SCN3B: variants seen among roughly 807,000 people sequenced by gnomAD.
SCN3B encodes the protein sodium voltage-gated channel beta subunit 3.
A neutral mutation model predicts 25.4 loss-of-function variants in SCN3B; 11 were observed. The observed-to-expected ratio is 0.43, with a 90% CI of 0.27 to 0.72. SCN3B has a LOEUF of 0.72. Ranked by LOEUF, SCN3B falls within the 30% of genes least tolerant of loss-of-function variation. The probability of loss-of-function intolerance (pLI) is 0.18; values close to 1 mark genes in which losing one functional copy is unlikely to be tolerated. For synonymous variants in SCN3B, 109 were observed against 110.7 expected (o/e 0.99, Z 0.09); for missense variants, 218 against 278.3 (o/e 0.78, Z 1.54).
At chr11:123,640,270 A>G (rs1439408378) in intron 4 of SCN3B, 1 of 152,232 alleles carries the variant, frequency 6.6e-6, no homozygotes, top group African/African-American at 2.4e-5. Context: ...GTAGCCCACA[A>G]ATGGCAATAC....
rs1226353564 is a variant in SCN3B at position 123,650,449 on chromosome 11, C to T, written c.55+3298G>A. On this transcript the variant is annotated intron_variant, in intron 2 of 6. Transcript: ENST00000299333. The stretch of plus-strand genomic sequence containing the variant: ...TTATTTTTAGATGCTGACACCCTGA[C>T]GTGACTTGTTCTGTCAATTTAGCTG... 7.9e-5 allele frequency among the ~76,000 whole-genome samples: 12 copies of T among 152,158 alleles called. No individual in the cohort carries two copies. In the East Asian group the frequency reaches 9.6e-4, roughly 12 times the overall value.
chr11:123,651,356 G>A (rs1045718969), intron 2 of SCN3B, among the ~76,000 whole-genome samples: 1 of 151,154 alleles, frequency 6.6e-6, no homozygotes, highest in African/African-American at 2.4e-5. Flanking sequence ...ATCTGTGAAG[G>A]GCGGCTGTTT....
Position 123,642,720 on chromosome 11 carries a change from G to A in SCN3B, c.220-49C>T. 6.9e-7 allele frequency: 1 copy of A among 1,446,612 alleles called. No homozygotes were observed. Among genetic ancestry groups the A allele is most frequent in the Non-Finnish European group, 9.7e-7 (1 of 1,032,942 alleles). 89.6% of individuals were successfully genotyped at this position (1,446,612 alleles called of 1,614,324 possible). On this transcript the variant is annotated intron_variant, in intron 3 of 6. Coordinates refer to ENST00000299333, the MANE Select transcript of SCN3B (RefSeq NM_001040151.2). This position sits in a 1 kb window ranked among gnomAD's most constrained non-coding sequence, Gnocchi z 4.3. ...GGTAGGGCCAGGAAAGGAGATGGCA[G>A]TGGGGGGAAGCCGAGTTAGGGACAG...
Position 123,642,403 on chromosome 11 carries a change from A to G in SCN3B, c.445+43T>C. 6.3e-7 allele frequency: 1 copy of G among 1,590,174 alleles called. No individual in the cohort carries two copies. The highest frequency in any genetic ancestry group is 1.1e-5 in the South Asian group (1 of 90,578). On this transcript the variant is annotated intron_variant, in intron 4 of 6. Transcript: ENST00000299333. The surrounding 1 kb of genome is among the most constrained non-coding windows in gnomAD (Gnocchi z 4.3). ...ACTGCTGTCCTACCCTTCCCTGTCC[A>G]CAGAGAGCAGGACGCCCTAGAGACC...
intron 2 of SCN3B, among the ~76,000 whole-genome samples, chr11:123,648,488 C>T (rs189352964): frequency 2.6e-5 from 4 of 152,126 alleles, no homozygotes; most frequent in South Asian, 4.2e-4. Context: ...ATTCTAAGCA[C>T]GAAGAATACA....
intron 2 of SCN3B, 61 bp downstream of exon 2, chr11:123,653,686 T>G (rs369875727): frequency 1.9e-6 from 3 of 1,566,612 alleles, no homozygotes; most frequent in South Asian, 2.2e-5. Flanking sequence ...CATCAATGTG[T>G]TATTATTGTT....
chr11:123,638,858 C>G (rs1955756977), intron 4 of SCN3B: 1 of 193,432 alleles, frequency 5.2e-6, no homozygotes, highest in East Asian at 1.3e-4. Context: ...AAAACTCATT[C>G]AGGGCCAACA....
intron 2 of SCN3B, 106 bp from the exon 3 acceptor site, chr11:123,645,856 AAG>A (rs1955848408): frequency 2.2e-6 from 3 of 1,379,572 alleles, no homozygotes; most frequent in Non-Finnish European, 3.1e-6. Flanking sequence ...ACAGAGAAGG[AAG>A]AGTCATGAGG....
rs2276022 is a variant in SCN3B, at chr11:123,638,056, G to A, written c.584+130C>T. On this transcript the variant is annotated intron_variant, in intron 5 of 6. Transcript: ENST00000299333. ...CATCTGTAAAATGGGTATAATAATG[G>A]TGCCTATCTCTTAAGCAGTGATCAT... The A allele has an allele frequency of 0.029, 32,002 of 1,107,020 alleles. 991 individuals carry two copies. The highest frequency in any genetic ancestry group is 0.17 in the East Asian group (6,843 of 39,204). The allele number at this position is 1,107,020 out of a possible 1,614,324, so 68.6% of individuals were successfully genotyped here.
chr11:123,634,102 C>T lies in SCN3B; in HGVS notation c.*22+19G>A, dbSNP rs781360860. On this transcript the variant is annotated intron_variant, in intron 6 of 6. Transcript: ENST00000299333. The stretch of plus-strand genomic sequence containing the variant: ...TGCCATCCACATCTGCCTTCCCCTC[C>T]CATGTTCCTGTAGGTCACCTCATGT... 16 of 1,589,744 alleles carry T rather than the reference C, an allele frequency of 1.0e-5. No homozygotes were observed. The highest frequency in any genetic ancestry group is 1.3e-5 in the African/African-American group (1 of 74,390).
intron 4 of SCN3B, chr11:123,638,546 G>C: frequency 1.7e-6 from 1 of 586,534 alleles, no homozygotes; most frequent in Non-Finnish European, 3.0e-6. Context: ...CCTGGAAGAA[G>C]TAGCCGAGCA....
intron 2 of SCN3B, among the ~76,000 whole-genome samples, chr11:123,652,135 G>A (rs947913): frequency 0.062 from 9,364 of 152,208 alleles, 374 homozygotes; most frequent in Middle Eastern, 0.11. Context: ...TCTCTGCAGA[G>A]TCTCACTCCA....
At chr11:123,651,956 C>A (rs1248155215) in intron 2 of SCN3B, among the ~76,000 whole-genome samples, 1 of 152,170 alleles carries the variant, frequency 6.6e-6, no homozygotes, top group Non-Finnish European at 1.5e-5. Context: ...ACAGAAGGAA[C>A]CAGATAGCAC....
intron 5 of SCN3B, among the ~76,000 whole-genome samples, chr11:123,637,169 T>G (rs1323515262): frequency 6.6e-6 from 1 of 152,214 alleles, no homozygotes; most frequent in African/African-American, 2.4e-5. Context: ...GTTTCTCAAA[T>G]GTGCTCACCC....
chr11:123,635,424 C>T (rs555118147), intron 5 of SCN3B, among the ~76,000 whole-genome samples: 18 of 152,236 alleles, frequency 1.2e-4, no homozygotes, highest in Non-Finnish European at 2.2e-4. Context: ...GTGGCTCACA[C>T]CTGTAATCCC....
Position 123,642,775 on chromosome 11 carries a change from G to C in SCN3B, c.220-104C>G. ...GAGAAAAGGAGCAGAATTGTGCATG[G>C]ACAGGGAAGAGAGGGGACAATGCCA... On this transcript the variant is annotated intron_variant, in intron 3 of 6. Transcript: ENST00000299333. This position sits in a 1 kb window ranked among gnomAD's most constrained non-coding sequence, Gnocchi z 4.3. The C allele has an allele frequency of 1.2e-6, 1 of 868,984 alleles. No individual in the cohort carries two copies. Among genetic ancestry groups the C allele is most frequent in the East Asian group, 2.6e-5 (1 of 38,418 alleles). The allele number at this position is 868,984 out of a possible 1,614,324, so 53.8% of individuals were successfully genotyped here.
At chr11:123,653,201 A>G (rs1402785909) in intron 2 of SCN3B, among the ~76,000 whole-genome samples, 2 of 152,130 alleles carry the variant, frequency 1.3e-5, no homozygotes, top group African/African-American at 2.4e-5. Flanking sequence ...ACAGTTGCCT[A>G]TTTATTTAAT....
chr11:123,635,108 A>G (rs1254683828), intron 5 of SCN3B, among the ~76,000 whole-genome samples: 2 of 152,184 alleles, frequency 1.3e-5, no homozygotes, highest in Non-Finnish European at 2.9e-5. Context: ...CAAGTTTGAC[A>G]TTTTACTTTG....
intron 5 of SCN3B, among the ~76,000 whole-genome samples, chr11:123,635,023 T>C (rs1955709683): frequency 1.3e-5 from 2 of 152,226 alleles, no homozygotes; most frequent in Admixed American, 1.3e-4. Flanking sequence ...TTTGTGCCTT[T>C]TGTATTTTAT....
Sources: allele counts gnomAD v4.1 joint callset (sites outside exome capture counted in the v4.1 genomes callset), GRCh38; gene constraint gnomAD v4.1.1; non-coding constraint Gnocchi (gnomAD v3.1); transcripts MANE v1.5; gene names NCBI Gene and HGNC (gene_info 2026-07-23, HGNC 2026-07-21).